Variants in ELK3 observed in about 807,000 individuals in gnomAD.
ELK3 encodes ETS domain-containing protein Elk-3.
ELK3 carries 10 observed loss-of-function variants against 28.9 expected under a neutral mutation model. That is an observed-to-expected ratio of 0.35 (90% CI 0.21 to 0.59). The LOEUF (loss-of-function observed/expected upper bound fraction) is 0.59, where lower values mean the gene tolerates loss of function less well. Ranked by LOEUF, ELK3 falls within the 20% of genes least tolerant of loss-of-function variation. The pLI, the probability that ELK3 is intolerant of heterozygous loss-of-function variation, is 0.82. For missense variants in ELK3, 463 were observed against 517.3 expected, an observed-to-expected ratio of 0.90 and a Z score of 1.02; for synonymous variants, 272 against 243.5, an observed-to-expected ratio of 1.12 and a Z score of -1.09.
intron 1 of ELK3, among the ~76,000 whole-genome samples, chr12:96,215,046 G>T (rs1022513338): frequency 1.3e-5 from 2 of 151,452 alleles, no homozygotes; most frequent in African/African-American, 2.4e-5. Context: ...TACCTCATGA[G>T]CACCTATTTT....
At chr12:96,234,726 T>G (rs889106482) in intron 2 of ELK3, among the ~76,000 whole-genome samples, 2 of 152,168 alleles carry the variant, frequency 1.3e-5, no homozygotes, top group Admixed American at 1.3e-4. Flanking sequence ...ATTGAGCCCA[T>G]TGTAGAGGTG....
In ELK3 at chr12:96,269,752, C is replaced by A. The variant is rs988154376; in HGVS notation, c.*2572C>A. 5.3e-5 allele frequency: 8 copies of A among 152,144 alleles called. No individual in the cohort carries two copies. The highest frequency in any genetic ancestry group is 1.9e-4 in the African/African-American group (8 of 41,430). 9.4% of individuals were successfully genotyped at this position (152,144 alleles called of 1,614,324 possible). A position where few individuals can be genotyped will look rare whatever the true frequency, so the allele number is the denominator to read the frequency against. ...TTTGTACACATCTTTTCTATGACTG[C>A]AAATCTTCACTTTATGTATCATTTT... is the stretch of plus-strand genomic sequence containing the variant. On this transcript the variant is annotated 3_prime_UTR_variant, in exon 5 of 5. Transcript: ENST00000228741.
At chr12:96,245,068 C>T (rs1330289027) in intron 2 of ELK3, among the ~76,000 whole-genome samples, 1 of 152,144 alleles carries the variant, frequency 6.6e-6, no homozygotes, top group African/African-American at 2.4e-5. Context: ...TGACTCTAAT[C>T]TAAGGTGCCC....
In ELK3 at chr12:96,267,212, C is replaced by A; in HGVS notation, c.*32C>A. 1 of 1,586,732 alleles carries A rather than the reference C, an allele frequency of 6.3e-7. No homozygotes were observed. Among genetic ancestry groups the A allele is most frequent in the Non-Finnish European group, 8.6e-7 (1 of 1,163,122 alleles). On this transcript the variant is annotated 3_prime_UTR_variant, in exon 5 of 5. Coordinates refer to ENST00000228741, the MANE Select transcript of ELK3 (RefSeq NM_005230.4). ...CTGGCCACAATTAAGGACTCATTAA[C>A]TGATGAAACAAATTTGTCCCCACGG...
intron 1 of ELK3, among the ~76,000 whole-genome samples, chr12:96,200,892 G>C (rs1210825134): frequency 6.6e-6 from 1 of 151,846 alleles, no homozygotes; most frequent in Non-Finnish European, 1.5e-5. Flanking sequence ...CAAACTCCTG[G>C]CCTCAAGAGA....
chr12:96,209,058 C>T (rs575323844), intron 1 of ELK3, among the ~76,000 whole-genome samples: 1 of 152,340 alleles, frequency 6.6e-6, no homozygotes, highest in African/African-American at 2.4e-5. Context: ...CCCCTTCCTC[C>T]CCAGGGTTGC....
intron 1 of ELK3, among the ~76,000 whole-genome samples, chr12:96,202,116 AC>A (rs1357144006): frequency 2.6e-5 from 4 of 152,094 alleles, no homozygotes; most frequent in Non-Finnish European, 5.9e-5. Flanking sequence ...ATTCCTCTGC[AC>A]CCGCTCTGAT....
chr12:96,221,002 A>G (rs1951657836), intron 1 of ELK3, among the ~76,000 whole-genome samples: 1 of 152,134 alleles, frequency 6.6e-6, no homozygotes, highest in African/African-American at 2.4e-5. Context: ...CACAGGAGGA[A>G]AAGTGCCAAC....
rs977979039 is a variant in ELK3, at chr12:96,268,983, G to C, written c.*1803G>C. 1 of 131,054 alleles carries C rather than the reference G, an allele frequency of 7.6e-6. No homozygotes were observed. Among genetic ancestry groups the C allele is most frequent in the South Asian group, 2.3e-4 (1 of 4,268 alleles). 8.1% of individuals were successfully genotyped at this position (131,054 alleles called of 1,614,324 possible). On this transcript the variant is annotated 3_prime_UTR_variant, in exon 5 of 5. Coordinates refer to ENST00000228741, the MANE Select transcript of ELK3 (RefSeq NM_005230.4). ...ATAATTCTGTACCAGAATAAAAGGA[G>C]CTGGTCCAGGGAACTGATATTTACT...
intron 2 of ELK3, among the ~76,000 whole-genome samples, chr12:96,228,158 G>A (rs1368324046): frequency 6.6e-6 from 1 of 151,904 alleles, no homozygotes; most frequent in Non-Finnish European, 1.5e-5. Flanking sequence ...GGTGGCTCAC[G>A]CCTGTAATCC....
At chr12:96,209,110 A>G (rs1951559094) in intron 1 of ELK3, among the ~76,000 whole-genome samples, 1 of 152,240 alleles carries the variant, frequency 6.6e-6, no homozygotes, top group Admixed American at 6.5e-5. Context: ...GTGTGTGCAC[A>G]CGTGCAAAAC....
At chr12:96,250,349 T>G (rs1951893628) in intron 3 of ELK3, among the ~76,000 whole-genome samples, 1 of 152,144 alleles carries the variant, frequency 6.6e-6, no homozygotes, top group African/African-American at 2.4e-5. Flanking sequence ...TGGTACTTAT[T>G]CAGAGTTGAG....
chr12:96,245,750 T>C (rs1271983275), intron 2 of ELK3, among the ~76,000 whole-genome samples: 2 of 152,202 alleles, frequency 1.3e-5, no homozygotes, highest in Non-Finnish European at 1.5e-5. Context: ...TAGGTAAATA[T>C]AGAACCCAGT....
intron 2 of ELK3, among the ~76,000 whole-genome samples, chr12:96,236,916 C>T (rs906640573): frequency 3.3e-5 from 5 of 152,310 alleles, no homozygotes; most frequent in Admixed American, 6.5e-5. Context: ...AAAATCCCCC[C>T]TTCCTCTTCT....
intron 2 of ELK3, among the ~76,000 whole-genome samples, chr12:96,243,353 C>G (rs1951834209): frequency 6.6e-6 from 1 of 152,164 alleles, no homozygotes; most frequent in Admixed American, 6.5e-5. Context: ...TATCATGATT[C>G]TGGACATTTC....
intron 2 of ELK3, among the ~76,000 whole-genome samples, chr12:96,237,642 G>A (rs1236367553): frequency 2.6e-5 from 4 of 152,220 alleles, no homozygotes; most frequent in Non-Finnish European, 5.9e-5. Context: ...AAAGCCAGGT[G>A]TGGTGGCTTG....
At chr12:96,262,163 C>T (rs1380507672) in intron 4 of ELK3, among the ~76,000 whole-genome samples, 2 of 151,976 alleles carry the variant, frequency 1.3e-5, no homozygotes, top group Non-Finnish European at 2.9e-5. Context: ...GGACTACAGG[C>T]GTGTACCACC....
intron 1 of ELK3, among the ~76,000 whole-genome samples, chr12:96,198,998 T>C (rs1951491085): frequency 6.6e-6 from 1 of 152,224 alleles, no homozygotes; most frequent in South Asian, 2.1e-4. Context: ...TCAGTGTTTT[T>C]TGTCCTCTGT....
intron 1 of ELK3, among the ~76,000 whole-genome samples, chr12:96,214,116 A>G (rs1057487066): frequency 6.6e-6 from 1 of 152,064 alleles, no homozygotes; most frequent in Non-Finnish European, 1.5e-5. Flanking sequence ...CTTTCCCAAG[A>G]TGGAAGAGTT....
Sources: allele counts gnomAD v4.1 joint callset (sites outside exome capture counted in the v4.1 genomes callset), GRCh38; gene constraint gnomAD v4.1.1; transcripts MANE v1.5; gene names NCBI Gene and HGNC (gene_info 2026-07-23, HGNC 2026-07-21).